The following AGBL1 variants were observed in gnomAD, a reference collection of about 807,000 sequenced individuals.
AGBL1 encodes cytosolic carboxypeptidase 4.
In AGBL1, 130 loss-of-function variants were observed where a neutral mutation model predicts 118.9. That is an observed-to-expected ratio of 1.09 (90% CI 0.95 to 1.26). The LOEUF (loss-of-function observed/expected upper bound fraction) is 1.26. AGBL1 is among the 50% of genes most tolerant of loss of function. AGBL1 has a pLI of 0.00. For synonymous variants in AGBL1, 555 were observed against 478.9 expected (o/e 1.16, Z -2.08); for missense variants, 1,584 against 1,298.1 (o/e 1.22, Z -3.38).
At chr15:86,796,124 G>T (rs1198117396) in intron 22 of AGBL1, among the ~76,000 whole-genome samples, 1 of 152,086 alleles carries the variant, frequency 6.6e-6, no homozygotes, top group African/African-American at 2.4e-5. Flanking sequence ...GGGCCCAGAT[G>T]AATGAATGCT....
At chr15:86,155,768 C>T (rs578249497) in intron 4 of AGBL1, among the ~76,000 whole-genome samples, 3 of 152,140 alleles carry the variant, frequency 2.0e-5, no homozygotes, top group Admixed American at 1.3e-4. Context: ...AGCATGAATA[C>T]TTACCCTGTT....
chr15:87,005,156 C>T (rs1042666426), intron 24 of AGBL1, among the ~76,000 whole-genome samples: 28 of 152,232 alleles, frequency 1.8e-4, no homozygotes, highest in African/African-American at 4.1e-4. Context: ...GTGAATCTGA[C>T]AATTATGTGT....
intron 21 of AGBL1, among the ~76,000 whole-genome samples, chr15:86,640,230 G>T (rs536487818): frequency 2.6e-5 from 4 of 152,036 alleles, no homozygotes; most frequent in Admixed American, 2.0e-4. Context: ...TCCTTCCAAA[G>T]ATATATTTAT....
At chr15:86,353,114 T>C (rs1356253450) in intron 17 of AGBL1, among the ~76,000 whole-genome samples, 1 of 152,220 alleles carries the variant, frequency 6.6e-6, no homozygotes, top group Non-Finnish European at 1.5e-5. Flanking sequence ...TTAGATGTGA[T>C]TTCCAATTAG....
chr15:86,475,262 G>A (rs369999825), intron 18 of AGBL1, among the ~76,000 whole-genome samples: 4 of 152,044 alleles, frequency 2.6e-5, no homozygotes, highest in East Asian at 1.9e-4. Flanking sequence ...GGCTTCAGAC[G>A]ATTAAACTTC....
intron 21 of AGBL1, among the ~76,000 whole-genome samples, chr15:86,668,957 T>C (rs2085693999): frequency 6.6e-6 from 1 of 152,202 alleles, no homozygotes; most frequent in Non-Finnish European, 1.5e-5. Context: ...CAAATGTACC[T>C]GTAGCTCAAA....
intron 22 of AGBL1, among the ~76,000 whole-genome samples, chr15:86,686,360 G>T (rs1219475291): frequency 6.6e-6 from 1 of 151,668 alleles, no homozygotes; most frequent in African/African-American, 2.4e-5. Context: ...CAGGGAATTT[G>T]GTATCCCCAT....
intron 24 of AGBL1, among the ~76,000 whole-genome samples, chr15:87,013,382 C>T (rs1230977125): frequency 6.6e-6 from 1 of 152,146 alleles, no homozygotes; most frequent in African/African-American, 2.4e-5. Flanking sequence ...AGCTTTAAAG[C>T]TGTGTGCTCA....
chr15:86,256,478 T>C (rs2078897123), intron 7 of AGBL1, among the ~76,000 whole-genome samples: 1 of 152,230 alleles, frequency 6.6e-6, no homozygotes. Context: ...TAATTCACAG[T>C]GACACATGGG....
chr15:86,763,306 G>A (rs778817472), intron 22 of AGBL1, among the ~76,000 whole-genome samples: 2 of 151,968 alleles, frequency 1.3e-5, no homozygotes, highest in Non-Finnish European at 2.9e-5. Context: ...TAGATTATTT[G>A]TGGGTTCTCA....
intron 1 of AGBL1, among the ~76,000 whole-genome samples, chr15:86,126,184 C>G (rs567514682): frequency 6.6e-6 from 1 of 152,198 alleles, no homozygotes; most frequent in South Asian, 2.1e-4. Context: ...AATTTTATAA[C>G]CACGCCTGCT....
chr15:86,858,975 A>C (rs1056735251), intron 22 of AGBL1, among the ~76,000 whole-genome samples: 2 of 152,202 alleles, frequency 1.3e-5, no homozygotes, highest in Non-Finnish European at 2.9e-5. Context: ...AAAAAAGGCT[A>C]CTTACCTTTC....
At chr15:86,710,474 G>C (rs1349131393) in intron 22 of AGBL1, among the ~76,000 whole-genome samples, 2 of 152,084 alleles carry the variant, frequency 1.3e-5, no homozygotes, top group Non-Finnish European at 2.9e-5. Context: ...GATACTTAAG[G>C]CTCTGCTCAG....
chr15:86,780,792 C>T (rs144691977), intron 22 of AGBL1, among the ~76,000 whole-genome samples: 189 of 151,910 alleles, frequency 1.2e-3, no homozygotes, highest in African/African-American at 4.4e-3. Context: ...GTCTCAATCC[C>T]GAGTAGCTGG....
chr15:86,443,179 C>A (rs2082084670), intron 18 of AGBL1, among the ~76,000 whole-genome samples: 1 of 152,202 alleles, frequency 6.6e-6, no homozygotes, highest in Non-Finnish European at 1.5e-5. Context: ...TCTGCAATGA[C>A]CATCTGCCGC....
chr15:86,477,236 T>C (rs1014537715), intron 18 of AGBL1, among the ~76,000 whole-genome samples: 18 of 142,632 alleles, frequency 1.3e-4, no homozygotes, highest in African/African-American at 4.9e-4. Flanking sequence ...AAGATCAGAG[T>C]AGAACTGAAG....
At chr15:86,764,065 T>C (rs2078063524) in intron 22 of AGBL1, among the ~76,000 whole-genome samples, 2 of 151,960 alleles carry the variant, frequency 1.3e-5, no homozygotes, top group African/African-American at 4.8e-5. Context: ...AAAGAACTTT[T>C]CTAATGGGGA....
chr15:86,194,669 G>A (rs1484535429), intron 5 of AGBL1, among the ~76,000 whole-genome samples: 1 of 152,160 alleles, frequency 6.6e-6, no homozygotes, highest in Non-Finnish European at 1.5e-5. Flanking sequence ...TATATCATGA[G>A]ATAAATTCCT....
intron 6 of AGBL1, among the ~76,000 whole-genome samples, chr15:86,230,306 C>T (rs1347891214): frequency 6.6e-6 from 1 of 152,172 alleles, no homozygotes. Flanking sequence ...AATGGCTGCT[C>T]TACTACAAAA....
Sources: allele counts gnomAD v4.1 joint callset (sites outside exome capture counted in the v4.1 genomes callset), GRCh38; gene constraint gnomAD v4.1.1; transcripts MANE v1.5; gene names NCBI Gene and HGNC (gene_info 2026-07-23, HGNC 2026-07-21).